Variants in AGBL4 observed in about 807,000 individuals in gnomAD.
AGBL4 encodes cytosolic carboxypeptidase 6.
AGBL4 carries 58 observed loss-of-function variants against 66.4 expected under a neutral mutation model. That is an observed-to-expected ratio of 0.87 (90% CI 0.71 to 1.09). The LOEUF (loss-of-function observed/expected upper bound fraction) is 1.09, where lower values mean the gene tolerates loss of function less well. AGBL4 is among the 50% of genes least tolerant of loss of function. The pLI is 0.00. For synonymous variants in AGBL4, 234 were observed against 222.9 expected, an observed-to-expected ratio of 1.05 and a Z score of -0.44; for missense variants, 579 against 631.0, an observed-to-expected ratio of 0.92 and a Z score of 0.88.
At chr1:49,817,149 T>C (rs896898623) in intron 2 of AGBL4, among the ~76,000 whole-genome samples, 1 of 152,298 alleles carries the variant, frequency 6.6e-6, no homozygotes, top group Admixed American at 6.5e-5. Flanking sequence ...TAATTAGGAA[T>C]TGAAATACAA....
intron 6 of AGBL4, among the ~76,000 whole-genome samples, chr1:48,771,533 C>T (rs1644833484): frequency 6.6e-6 from 1 of 152,210 alleles, no homozygotes. Flanking sequence ...CAATGGTTAA[C>T]ATCCCAGTAG....
At chr1:48,744,801 C>T (rs1232741070) in intron 6 of AGBL4, among the ~76,000 whole-genome samples, 1 of 152,180 alleles carries the variant, frequency 6.6e-6, no homozygotes, top group Non-Finnish European at 1.5e-5. Flanking sequence ...TCCTCTCTAC[C>T]GCTAGGGTTC....
chr1:48,647,482 T>C (rs1645855781), intron 8 of AGBL4: 2 of 293,376 alleles, frequency 6.8e-6, no homozygotes, highest in Non-Finnish European at 1.4e-5. Context: ...CCAGTTATTC[T>C]GAGGCTGTAC....
intron 3 of AGBL4, among the ~76,000 whole-genome samples, chr1:49,380,650 T>C (rs1417048832): frequency 1.3e-5 from 2 of 152,078 alleles, no homozygotes; most frequent in African/African-American, 2.4e-5. Flanking sequence ...AACAGAGATA[T>C]AGATCAATGG....
At chr1:49,113,720 G>A (rs1645460703) in intron 4 of AGBL4, among the ~76,000 whole-genome samples, 1 of 152,188 alleles carries the variant, frequency 6.6e-6, no homozygotes, top group Non-Finnish European at 1.5e-5. Flanking sequence ...TAATCCATGA[G>A]TTGCAAAATG....
chr1:49,048,421 G>C (rs1045155067), intron 4 of AGBL4: 1 of 152,070 alleles, frequency 6.6e-6, no homozygotes. Context: ...TGGGTGAGCC[G>C]GGATGCCTAA....
chr1:49,960,215 C>CAA (rs1217922657), intron 1 of AGBL4, among the ~76,000 whole-genome samples: 9 of 152,030 alleles, frequency 5.9e-5, no homozygotes, highest in Non-Finnish European at 8.8e-5. Flanking sequence ...TATATATACA[C>CAA]AATGAAGTAC....
intron 5 of AGBL4, among the ~76,000 whole-genome samples, chr1:48,876,433 G>A (rs988243838): frequency 2.6e-5 from 4 of 152,150 alleles, no homozygotes; most frequent in Non-Finnish European, 4.4e-5. Context: ...GAGGAAGGCC[G>A]TTCCAGTCAT....
intron 6 of AGBL4, among the ~76,000 whole-genome samples, chr1:48,790,417 G>T (rs983530084): frequency 6.6e-6 from 1 of 152,132 alleles, no homozygotes; most frequent in Non-Finnish European, 1.5e-5. Flanking sequence ...CATCCTGAAG[G>T]TTCTTTTTTC....
intron 5 of AGBL4, among the ~76,000 whole-genome samples, chr1:48,920,232 C>G (rs769384153): frequency 2.6e-5 from 4 of 152,184 alleles, no homozygotes; most frequent in Admixed American, 6.5e-5. Flanking sequence ...CATCCCTTTC[C>G]CTACTGAACT....
At chr1:49,938,878 A>G (rs1654416822) in intron 1 of AGBL4, among the ~76,000 whole-genome samples, 1 of 152,160 alleles carries the variant, frequency 6.6e-6, no homozygotes, top group Admixed American at 6.6e-5. Flanking sequence ...AAGGAAATAA[A>G]GGGTATTCAA....
chr1:49,881,988 C>T (rs1571793342), intron 1 of AGBL4, among the ~76,000 whole-genome samples: 1 of 152,156 alleles, frequency 6.6e-6, no homozygotes, highest in East Asian at 1.9e-4. Context: ...ATGGTAATAC[C>T]TAGGTTTTCT....
At chr1:49,254,430 TA>T (rs1253078594) in intron 3 of AGBL4, among the ~76,000 whole-genome samples, 1 of 151,754 alleles carries the variant, frequency 6.6e-6, no homozygotes, top group Non-Finnish European at 1.5e-5. Context: ...ACAAAAAGAA[TA>T]AAATACCTAG....
chr1:48,591,640 C>T (rs1644920282), intron 9 of AGBL4, among the ~76,000 whole-genome samples: 1 of 152,096 alleles, frequency 6.6e-6, no homozygotes, highest in South Asian at 2.1e-4. Flanking sequence ...ATATATAATG[C>T]ATGCCCAACA....
chr1:49,156,143 AC>A (rs762914881), intron 4 of AGBL4, among the ~76,000 whole-genome samples: 78 of 152,258 alleles, frequency 5.1e-4, no homozygotes, highest in Non-Finnish European at 9.1e-4. Context: ...GCACTTCTAG[AC>A]CACACATTTC....
At chr1:48,753,107 G>A (rs573821556) in intron 6 of AGBL4, among the ~76,000 whole-genome samples, 5 of 152,300 alleles carry the variant, frequency 3.3e-5, no homozygotes, top group African/African-American at 1.2e-4. Context: ...TTGTACAGAT[G>A]AGGAAACTAA....
intron 4 of AGBL4, among the ~76,000 whole-genome samples, chr1:49,108,982 A>T (rs1301932841): frequency 6.6e-6 from 1 of 152,134 alleles, no homozygotes; most frequent in African/African-American, 2.4e-5. Flanking sequence ...CCAGTTACCT[A>T]CCTGAAAAAT....
intron 5 of AGBL4, among the ~76,000 whole-genome samples, chr1:49,018,693 G>A (rs971099928): frequency 6.6e-6 from 1 of 152,000 alleles, no homozygotes; most frequent in Non-Finnish European, 1.5e-5. Context: ...GTTTAAACAA[G>A]CCAGAAACCT....
At chr1:49,199,488 G>A (rs541985343) in intron 4 of AGBL4, among the ~76,000 whole-genome samples, 4 of 152,214 alleles carry the variant, frequency 2.6e-5, no homozygotes, top group East Asian at 1.9e-4. Flanking sequence ...AACCGTGTAC[G>A]GCATCTGTAT....
Sources: gnomAD v4.1 joint callset for allele counts (sites outside exome capture counted in the v4.1 genomes callset) on GRCh38, gnomAD v4.1.1 for gene constraint, MANE v1.5 for transcripts, NCBI Gene and HGNC (gene_info 2026-07-23, HGNC 2026-07-21) for gene names.